Variants in REV3L observed in about 807,000 individuals in gnomAD.
REV3L encodes the protein DNA polymerase zeta catalytic subunit.
REV3L carries 69 observed loss-of-function variants against 299.4 expected under a neutral mutation model. The observed-to-expected ratio is 0.23, with a 90% CI of 0.19 to 0.28. The LOEUF (loss-of-function observed/expected upper bound fraction) is 0.28, where lower values mean the gene tolerates loss of function less well. Ranked by LOEUF, REV3L falls within the 10% of genes least tolerant of loss-of-function variation. The pLI is 1.00. For synonymous variants in REV3L, 1,238 were observed against 1,271.4 expected (o/e 0.97, Z 0.56); for missense variants, 3,128 against 3,693.8 (o/e 0.85, Z 3.97).
chr6:111,349,024 C>G, intron 20 of REV3L, 194 bp downstream of exon 20: 1 of 370,584 alleles, frequency 2.7e-6, no homozygotes. Flanking sequence ...AAAAAAAACT[C>G]ACTTAAAACA....
At chr6:111,415,048 C>T (rs1341525294) in intron 2 of REV3L, among the ~76,000 whole-genome samples, 1 of 152,104 alleles carries the variant, frequency 6.6e-6, no homozygotes. Flanking sequence ...GTAATCCTTT[C>T]CAGTTTAAGC....
chr6:111,429,647 C>A (rs1476966944), intron 1 of REV3L, among the ~76,000 whole-genome samples: 1 of 150,774 alleles, frequency 6.6e-6, no homozygotes, highest in African/African-American at 2.4e-5. Context: ...AACATAGTGT[C>A]AAAATGTGGG....
chr6:111,431,817 T>A, intron 1 of REV3L: 1 of 599,804 alleles, frequency 1.7e-6, no homozygotes, highest in Non-Finnish European at 3.0e-6. Context: ...ATTATGTACA[T>A]ACTTTTTCAT....
At position 111,302,483 on chromosome 6, in the gene REV3L, C is replaced by T. The variant is rs570865254; in HGVS notation, c.9253-2327G>A. 3.9e-5 allele frequency among the ~76,000 whole-genome samples: 6 copies of T among 152,340 alleles called. No individual in the cohort carries two copies. The East Asian group carries it at 9.6e-4, about 24-fold the overall frequency. ...CCTGAGCATTATAGCTTGATTCAGG[C>T]TTACATTTAAAACTTTAGTGCCCCA... On this transcript the variant is annotated intron_variant, in intron 31 of 31. Transcript: ENST00000368802.
intron 1 of REV3L, chr6:111,430,881 T>C (rs1394342192): frequency 6.2e-7 from 1 of 1,604,658 alleles, no homozygotes; most frequent in Non-Finnish European, 8.5e-7. Flanking sequence ...ATGTTGGGAC[T>C]TCTCCATCCT....
intron 1 of REV3L, chr6:111,430,402 T>C (rs559090510): frequency 2.3e-4 from 312 of 1,385,252 alleles, no homozygotes; most frequent in Non-Finnish European, 2.7e-4. Flanking sequence ...TACCAGTCCA[T>C]AGAAAAACTA....
At chr6:111,451,058 C>T (rs750244858) in intron 1 of REV3L, among the ~76,000 whole-genome samples, 9 of 152,118 alleles carry the variant, frequency 5.9e-5, no homozygotes, top group African/African-American at 2.2e-4. Context: ...CACAGTTCTT[C>T]ATGAAGTGTA....
chr6:111,308,285 C>T, intron 30 of REV3L: 2 of 453,786 alleles, frequency 4.4e-6, no homozygotes, highest in South Asian at 3.1e-5. Context: ...TTACAAATGT[C>T]ATTGGGTTAA....
Position 111,387,775 on chromosome 6 carries a change from CTCTTTG to C in REV3L, c.1080_1085del (p.Asp360_Lys361del), listed in dbSNP as rs1363915584. ...AAAAGAAAATCTTACCTTTGCTTGA[CTCTTTG>C]TCTTTGTGAACTTCTACCATATTGG... On this transcript the variant is annotated inframe_deletion, in exon 9 of 32. Coordinates refer to ENST00000368802, the MANE Select transcript of REV3L (RefSeq NM_001372078.1). 8 of 1,613,724 alleles carry C rather than the reference CTCTTTG, an allele frequency of 5.0e-6. No individual in the cohort carries two copies. In the East Asian group the frequency reaches 6.7e-5, roughly 13 times the overall value.
chr6:111,339,150 TTCTC>T (rs1317190542), intron 21 of REV3L, among the ~76,000 whole-genome samples: 1 of 152,172 alleles, frequency 6.6e-6, no homozygotes. Context: ...CAGAATCTAA[TTCTC>T]TATCCTGAAA....
intron 1 of REV3L, among the ~76,000 whole-genome samples, chr6:111,446,618 T>A (rs939384981): frequency 1.3e-5 from 2 of 152,066 alleles, no homozygotes; most frequent in African/African-American, 4.8e-5. Context: ...GGAGAATTGC[T>A]TGAACCCAGG....
At chr6:111,419,786 GT>G (rs1269050895) in intron 1 of REV3L, among the ~76,000 whole-genome samples, 1 of 151,864 alleles carries the variant, frequency 6.6e-6, no homozygotes, top group African/African-American at 2.4e-5. Flanking sequence ...TTTCAAGAAT[GT>G]TTTTATAAAA....
chr6:111,310,890 T>C, intron 29 of REV3L, 179 bp downstream of exon 29: 2 of 445,500 alleles, frequency 4.5e-6, no homozygotes, highest in Non-Finnish European at 7.8e-6. Context: ...CAAAAGAGGA[T>C]TTCCTCTTCA....
In REV3L at chr6:111,459,084, T is replaced by C. The variant is rs968685052; in HGVS notation, c.139+23666A>G. ...AGCACAGTACTGGTACAAAAAGAGA[T>C]ACATGGACCAATAAAACAGAATAGA... On this transcript the variant is annotated intron_variant, in intron 1 of 31. Coordinates refer to ENST00000368802, the MANE Select transcript of REV3L (RefSeq NM_001372078.1). 4.0e-5 allele frequency among the ~76,000 whole-genome samples: 6 copies of C among 151,740 alleles called. No individual in the cohort carries two copies. In the East Asian group the frequency reaches 9.7e-4, roughly 24 times the overall value.
At chr6:111,365,187 A>C in intron 15 of REV3L, 78 bp downstream of exon 15, 1 of 936,654 alleles carries the variant, frequency 1.1e-6, no homozygotes, top group African/African-American at 1.8e-5. Flanking sequence ...ATTGAGACAA[A>C]GTTAACAATT....
intron 1 of REV3L, among the ~76,000 whole-genome samples, chr6:111,467,988 A>G (rs1791712192): frequency 6.6e-6 from 1 of 152,300 alleles, no homozygotes. Context: ...TAAGTTACAC[A>G]GAGTATTTTC....
intron 31 of REV3L, among the ~76,000 whole-genome samples, chr6:111,301,042 A>G (rs1237122467): frequency 6.6e-6 from 1 of 152,174 alleles, no homozygotes; most frequent in East Asian, 1.9e-4. Flanking sequence ...GCAAGGAATA[A>G]CCCCGGGAAA....
Position 111,375,513 on chromosome 6 carries a change from G to T in REV3L, c.2842C>A (p.Pro948Thr), listed in dbSNP as rs1461901993. The T allele has an allele frequency of 3.0e-5, 49 of 1,612,732 alleles. No individual in the cohort carries two copies. Among genetic ancestry groups the T allele is most frequent in the Non-Finnish European group, 3.7e-5 (44 of 1,179,680 alleles). The change falls in exon 13 of 32, where the codon CCC (proline) becomes ACC (threonine). Residue 948 changes from proline (P) to threonine (T), a missense_variant. Coordinates refer to ENST00000368802, the MANE Select transcript of REV3L (RefSeq NM_001372078.1). ...THNSKISLPH[P>T]MEIGESLDGT... ...TCTAAACTTTCACCAATTTCCATGG[G>T]ATGAGGTAGACTAATTTTTGAGTTG...
In REV3L at chr6:111,410,372, A is replaced by T. The variant is rs1165086512; in HGVS notation, c.404+1108T>A. Among the ~76,000 whole-genome samples the T allele has an allele frequency of 2.0e-5, 3 of 152,244 alleles. No homozygotes were observed. The East Asian group carries it at 5.8e-4, about 29-fold the overall frequency. ...GCAAGGAAAAAAATTGATTGTATTT[A>T]TAATTTGTTTATAGGTTATTTATAA... On this transcript the variant is annotated intron_variant, in intron 3 of 31. Transcript: ENST00000368802.
Sources: allele counts gnomAD v4.1 joint callset (sites outside exome capture counted in the v4.1 genomes callset), GRCh38; gene constraint gnomAD v4.1.1; transcripts MANE v1.5; gene names NCBI Gene and HGNC (gene_info 2026-07-23, HGNC 2026-07-21).